Variants in PPP1R1C observed in about 807,000 individuals in gnomAD.
The protein encoded by PPP1R1C is protein phosphatase 1 regulatory subunit 1C.
PPP1R1C carries 15 observed loss-of-function variants against 17.4 expected under a neutral mutation model. That is an observed-to-expected ratio of 0.86 (90% CI 0.58 to 1.33). The LOEUF is 1.33. Among genes scored for constraint, PPP1R1C ranks in the 40% most tolerant of loss-of-function variants. PPP1R1C has a pLI of 0.00. For missense variants in PPP1R1C, 143 were observed against 130.0 expected (o/e 1.10, Z -0.48); for synonymous variants, 35 against 43.1 (o/e 0.81, Z 0.73).
chr2:182,027,869 A>C (rs1217028811), intron 2 of PPP1R1C, among the ~76,000 whole-genome samples: 1 of 132,978 alleles, frequency 7.5e-6, no homozygotes, highest in East Asian at 2.3e-4. Flanking sequence ...TAAACTATTG[A>C]TTATTGCCAC....
intron 2 of PPP1R1C, among the ~76,000 whole-genome samples, chr2:181,978,830 G>T (rs1685143507): frequency 6.6e-6 from 1 of 151,942 alleles, no homozygotes; most frequent in African/African-American, 2.4e-5. Flanking sequence ...AAAAATATGG[G>T]GAATGAGAGA....
chr2:181,963,407 G>A (rs1409294209), intron 1 of PPP1R1C, among the ~76,000 whole-genome samples: 1 of 152,170 alleles, frequency 6.6e-6, no homozygotes, highest in East Asian at 1.9e-4. Context: ...TTGGGGGGCC[G>A]AAGCGGGTGG....
At chr2:182,008,160 T>C (rs1034163684) in intron 2 of PPP1R1C, among the ~76,000 whole-genome samples, 1 of 152,066 alleles carries the variant, frequency 6.6e-6, no homozygotes. Context: ...TAGTGTGAGG[T>C]ATGAGTGAAT....
At position 182,063,809 on chromosome 2, in the gene PPP1R1C, T is replaced by A. The variant is rs771917893; in HGVS notation, c.241+18T>A. ...CATAAAAGGTACTGTTCAGGTACTG[T>A]TTCGGGTTGTCATGAGTGGTGAATC... is the stretch of plus-strand genomic sequence containing the variant. On this transcript the variant is annotated intron_variant, in intron 4 of 4. Transcript: ENST00000682840. 6.2e-7 allele frequency: 1 copy of A among 1,608,988 alleles called. No individual in the cohort carries two copies. Among genetic ancestry groups the A allele is most frequent in the South Asian group, 1.1e-5 (1 of 90,966 alleles).
chr2:182,014,825 A>G (rs1686209125), intron 2 of PPP1R1C, among the ~76,000 whole-genome samples: 1 of 150,870 alleles, frequency 6.6e-6, no homozygotes, highest in Non-Finnish European at 1.5e-5. Flanking sequence ...TGTGGCTACC[A>G]CTTCCCCAGG....
chr2:181,958,229 G>T (rs529826251), intron 1 of PPP1R1C, among the ~76,000 whole-genome samples: 1 of 152,178 alleles, frequency 6.6e-6, no homozygotes, highest in Non-Finnish European at 1.5e-5. Context: ...TTCTCAGCCC[G>T]ATCCTGCAGG....
intron 1 of PPP1R1C, among the ~76,000 whole-genome samples, chr2:181,960,096 G>T (rs182749367): frequency 1.3e-5 from 2 of 152,272 alleles, no homozygotes; most frequent in Admixed American, 1.3e-4. Context: ...TAAAGCATCT[G>T]CCCTCGATCC....
intron 2 of PPP1R1C, among the ~76,000 whole-genome samples, chr2:181,996,853 A>C (rs571144606): frequency 6.6e-6 from 1 of 152,354 alleles, no homozygotes; most frequent in East Asian, 1.9e-4. Context: ...TTTGGAATCC[A>C]ATTTTTAGAA....
intron 2 of PPP1R1C, among the ~76,000 whole-genome samples, chr2:182,002,260 T>G (rs1287966327): frequency 6.6e-6 from 1 of 152,090 alleles, no homozygotes; most frequent in Non-Finnish European, 1.5e-5. Context: ...TGTCTCATTG[T>G]TTTTAGAACT....
chr2:182,107,086 C>A (rs1689276154), intron 4 of PPP1R1C, among the ~76,000 whole-genome samples: 1 of 152,208 alleles, frequency 6.6e-6, no homozygotes, highest in African/African-American at 2.4e-5. Flanking sequence ...AATTCAACAT[C>A]TTTTTGGGGC....
intron 2 of PPP1R1C, among the ~76,000 whole-genome samples, chr2:182,004,839 A>AT (rs1685869850): frequency 6.6e-6 from 1 of 152,220 alleles, no homozygotes; most frequent in Non-Finnish European, 1.5e-5. Flanking sequence ...ATTGGATGGC[A>AT]AAATTGGAGG....
intron 2 of PPP1R1C, among the ~76,000 whole-genome samples, chr2:181,998,468 C>T (rs1685676040): frequency 6.6e-6 from 1 of 152,168 alleles, no homozygotes; most frequent in Admixed American, 6.5e-5. Flanking sequence ...AATAGCTCAT[C>T]GATTTCATCA....
At chr2:182,021,605 C>T (rs1017652433) in intron 2 of PPP1R1C, among the ~76,000 whole-genome samples, 19 of 152,104 alleles carry the variant, frequency 1.2e-4, no homozygotes, top group African/African-American at 2.9e-4. Flanking sequence ...AGATTACAGG[C>T]GTGAGCCTCA....
chr2:181,968,429 T>A (rs757916375), intron 1 of PPP1R1C, among the ~76,000 whole-genome samples: 1 of 152,334 alleles, frequency 6.6e-6, no homozygotes, highest in East Asian at 1.9e-4. Flanking sequence ...AAAATGGACC[T>A]CTTTTTCATT....
intron 1 of PPP1R1C, among the ~76,000 whole-genome samples, chr2:181,973,233 G>A (rs932568914): frequency 2.6e-5 from 4 of 152,184 alleles, no homozygotes; most frequent in Admixed American, 1.3e-4. Context: ...TGTTCTTACC[G>A]AGACATTTGC....
intron 2 of PPP1R1C, among the ~76,000 whole-genome samples, chr2:182,014,129 G>T (rs1206056430): frequency 6.6e-6 from 1 of 152,160 alleles, no homozygotes; most frequent in African/African-American, 2.4e-5. Context: ...GAAGAATCAG[G>T]TGTTGATTGT....
intron 4 of PPP1R1C, among the ~76,000 whole-genome samples, chr2:182,084,036 T>A (rs942868174): frequency 9.8e-5 from 15 of 152,332 alleles, no homozygotes; most frequent in African/African-American, 3.1e-4. Flanking sequence ...CATTTTAAAA[T>A]GTTTGTTGGT....
Position 182,021,188 on chromosome 2 carries a change from C to T in PPP1R1C, c.142+33289C>T, listed in dbSNP as rs1446680773. Among the ~76,000 whole-genome samples the T allele has an allele frequency of 2.6e-5, 4 of 152,014 alleles. No homozygotes were observed. In the East Asian group the frequency reaches 7.7e-4, roughly 29 times the overall value. ...AGAATCTAGATTGTTGTCTCTCATGCATGTGGTAGAAAGAGTCCTTAATTG... is the reference window on the plus strand; with the variant it reads ...AGAATCTAGATTGTTGTCTCTCATGTATGTGGTAGAAAGAGTCCTTAATTG... On this transcript the variant is annotated intron_variant, in intron 2 of 4. Transcript: ENST00000682840.
Position 181,957,445 on chromosome 2 carries a change from G to C in PPP1R1C, n.111+2811G>C, listed in dbSNP as rs2125129445. The stretch of plus-strand genomic sequence containing the variant: ...CATGAAGCCATCTCAGTTTCTTCTG[G>C]GACAGGTAGTAATTTACCCATTCTC... On this transcript the variant is annotated intron_variant and non_coding_transcript_variant, in intron 1 of 5. Transcript: ENST00000464264. This position sits in a 1 kb window ranked among gnomAD's most constrained non-coding sequence, Gnocchi z 4.2. Among the ~76,000 whole-genome samples the C allele has an allele frequency of 1.3e-5, 2 of 152,088 alleles. No homozygotes were observed. The highest frequency in any genetic ancestry group is 3.9e-4 in the East Asian group (2 of 5,182).
Sources: gnomAD v4.1 joint callset for allele counts (sites outside exome capture counted in the v4.1 genomes callset) on GRCh38, gnomAD v4.1.1 for gene constraint, Gnocchi (gnomAD v3.1) non-coding constraint, MANE v1.5 for transcripts, NCBI Gene and HGNC (gene_info 2026-07-23, HGNC 2026-07-21) for gene names.